Variants in PRKCA observed in about 807,000 individuals in gnomAD.
PRKCA encodes protein kinase C alpha type.
In PRKCA, 27 loss-of-function variants were observed where a neutral mutation model predicts 87.0. The ratio of observed to expected loss-of-function variants is 0.31; its 90% CI spans 0.23 to 0.43. PRKCA has a LOEUF of 0.43. Ranked by LOEUF, PRKCA falls within the 20% of genes least tolerant of loss-of-function variation. The probability of loss-of-function intolerance (pLI) is 1.00; values close to 1 mark genes in which losing one functional copy is unlikely to be tolerated. For missense variants in PRKCA, 518 were observed against 852.3 expected (o/e 0.61, Z 4.88); for synonymous variants, 329 against 311.1 (o/e 1.06, Z -0.61).
chr17:66,716,618 T>C (rs977217482), intron 8 of PRKCA, among the ~76,000 whole-genome samples: 5 of 151,874 alleles, frequency 3.3e-5, no homozygotes, highest in Non-Finnish European at 7.4e-5. Flanking sequence ...CCACCAAGAT[T>C]AGCGATCCTA....
chr17:66,335,245 A>G (rs963517911), intron 2 of PRKCA, among the ~76,000 whole-genome samples: 3 of 152,056 alleles, frequency 2.0e-5, no homozygotes, highest in African/African-American at 7.2e-5. Context: ...CTCCCGTCTC[A>G]GCCTCCGTAA....
chr17:66,499,895 A>G (rs1329696181), intron 3 of PRKCA, among the ~76,000 whole-genome samples: 3 of 152,154 alleles, frequency 2.0e-5, no homozygotes, highest in Non-Finnish European at 4.4e-5. Flanking sequence ...TCCATACTCA[A>G]CTGACTCCCA....
intron 3 of PRKCA, among the ~76,000 whole-genome samples, chr17:66,616,181 A>C (rs1970512994): frequency 6.6e-6 from 1 of 152,180 alleles, no homozygotes; most frequent in South Asian, 2.1e-4. Context: ...CATGAATGCC[A>C]GTTCTAGGAA....
chr17:66,592,935 G>GGTGCCCGCCATCAAGCCCA (rs1969855057), intron 3 of PRKCA, among the ~76,000 whole-genome samples: 1 of 152,126 alleles, frequency 6.6e-6, no homozygotes, highest in Non-Finnish European at 1.5e-5. Flanking sequence ...TGGGATTACA[G>GGTGCCCGCCATCAAGCCCA]GCATGTGCCA....
intron 8 of PRKCA, among the ~76,000 whole-genome samples, chr17:66,711,738 C>T (rs76858681): frequency 0.02 from 3,059 of 152,242 alleles, 49 homozygotes; most frequent in Non-Finnish European, 0.03. Flanking sequence ...ACCCTACTCC[C>T]CGACCCCAAG....
chr17:66,450,269 C>T (rs1176812261), intron 2 of PRKCA, among the ~76,000 whole-genome samples: 2 of 152,082 alleles, frequency 1.3e-5, no homozygotes, highest in African/African-American at 2.4e-5. Flanking sequence ...GATGCCCCAG[C>T]CAGTCTGCAA....
intron 3 of PRKCA, among the ~76,000 whole-genome samples, chr17:66,543,106 T>C (rs999736316): frequency 6.6e-6 from 1 of 152,260 alleles, no homozygotes; most frequent in Non-Finnish European, 1.5e-5. Flanking sequence ...TTTAATGCAA[T>C]GTGCCTGATT....
intron 3 of PRKCA, among the ~76,000 whole-genome samples, chr17:66,562,387 C>A (rs546119737): frequency 6.6e-6 from 1 of 151,770 alleles, no homozygotes; most frequent in African/African-American, 2.4e-5. Context: ...ACTGTGCTGT[C>A]CATTCTTGGT....
chr17:66,342,499 G>C (rs1025767008), intron 2 of PRKCA, among the ~76,000 whole-genome samples: 1 of 149,770 alleles, frequency 6.7e-6, no homozygotes, highest in African/African-American at 2.4e-5. Context: ...CAGAGATGGA[G>C]AAAACTTTGG....
At chr17:66,742,491 C>T in intron 12 of PRKCA, 131 bp from the exon 13 acceptor site, 1 of 938,010 alleles carries the variant, frequency 1.1e-6, no homozygotes, top group Non-Finnish European at 1.6e-6. Context: ...TCTGATACTA[C>T]AGTCCAGGGA....
intron 5 of PRKCA, among the ~76,000 whole-genome samples, chr17:66,666,466 C>CA (rs1361136835): frequency 1.3e-5 from 2 of 152,210 alleles, no homozygotes; most frequent in Admixed American, 6.5e-5. Flanking sequence ...ATACTGGACA[C>CA]AAGCTGGTCC....
intron 2 of PRKCA, among the ~76,000 whole-genome samples, chr17:66,383,298 C>G (rs1021243647): frequency 6.6e-6 from 1 of 152,040 alleles, no homozygotes; most frequent in African/African-American, 2.4e-5. Context: ...AGTTGCTTTC[C>G]AAAGGCATGG....
Position 66,557,617 on chromosome 17 carries a change from C to T in PRKCA, c.288+61334C>T, listed in dbSNP as rs138814984. Among the ~76,000 whole-genome samples the T allele has an allele frequency of 1.9e-3, 294 of 152,208 alleles. 1 individual carries two copies. Among genetic ancestry groups the T allele is most frequent in the African/African-American group, 6.6e-3 (276 of 41,530 alleles). On this transcript the variant is annotated intron_variant, in intron 3 of 16. Coordinates refer to ENST00000413366, the MANE Select transcript of PRKCA (RefSeq NM_002737.3). ...TGATTCATGTTTTATATTGGAGGGA[C>T]GGGTACTTTTCTGAAGAATTTTAAT...
At chr17:66,457,118 A>G (rs1046212774) in intron 2 of PRKCA, among the ~76,000 whole-genome samples, 1 of 152,162 alleles carries the variant, frequency 6.6e-6, no homozygotes, top group Non-Finnish European at 1.5e-5. Flanking sequence ...GCGATTTAAT[A>G]TTTCAATAAG....
Position 66,683,420 on chromosome 17 carries a change from A to G in PRKCA, c.530-3691A>G, listed in dbSNP as rs1972542257. On this transcript the variant is annotated intron_variant, in intron 5 of 16. Coordinates refer to ENST00000413366, the MANE Select transcript of PRKCA (RefSeq NM_002737.3). Reference sequence around the variant, plus strand: ...GGCTTCACCTGAGACTCACCTGGGGAGCTTAAAGATCCTGGTGCCTGGGTG... The same window carrying G: ...GGCTTCACCTGAGACTCACCTGGGGGGCTTAAAGATCCTGGTGCCTGGGTG... 1.3e-5 allele frequency among the ~76,000 whole-genome samples: 2 copies of G among 152,266 alleles called. 1 individual carries two copies. Among genetic ancestry groups the G allele is most frequent in the Admixed American group, 1.3e-4 (2 of 15,296 alleles).
At position 66,302,892 on chromosome 17, in the gene PRKCA, A is replaced by C. The variant is rs1334216181; in HGVS notation, c.41A>C (p.Gln14Pro). 1.2e-6 allele frequency: 2 copies of C among 1,608,692 alleles called. No homozygotes were observed. Among genetic ancestry groups the C allele is most frequent in the Admixed American group, 3.4e-5 (2 of 59,690 alleles). The stretch of plus-strand genomic sequence containing the variant: ...CCGGGCAACGACTCCACGGCGTCTC[A>C]GGACGTGGCCAACCGCTTCGCCCGC... ...VFPGNDSTAS[Q>P]DVANRFARKG... Residue 14 changes from glutamine to proline, a missense_variant, in exon 1 of 17, where the codon CAG (glutamine) becomes CCG (proline). Physicochemically the swap from Gln to Pro is moderately conservative, Grantham distance 76. Coordinates refer to ENST00000413366, the MANE Select transcript of PRKCA (RefSeq NM_002737.3).
intron 3 of PRKCA, among the ~76,000 whole-genome samples, chr17:66,603,858 T>C (rs1970127369): frequency 6.6e-6 from 1 of 152,222 alleles, no homozygotes; most frequent in South Asian, 2.1e-4. Flanking sequence ...GCAGAATCAT[T>C]CAGTATTTGT....
intron 2 of PRKCA, among the ~76,000 whole-genome samples, chr17:66,375,443 G>A (rs546061320): frequency 1.3e-5 from 2 of 152,122 alleles, no homozygotes; most frequent in Non-Finnish European, 2.9e-5. Context: ...TGGTCTGCTT[G>A]GTTGGAAGTG....
At chr17:66,592,437 A>G (rs1969839289) in intron 3 of PRKCA, among the ~76,000 whole-genome samples, 1 of 152,194 alleles carries the variant, frequency 6.6e-6, no homozygotes, top group South Asian at 2.1e-4. Flanking sequence ...AAATAGAAAA[A>G]GAAAGGAAGC....
Sources: allele counts gnomAD v4.1 joint callset (sites outside exome capture counted in the v4.1 genomes callset), GRCh38; gene constraint gnomAD v4.1.1; transcripts MANE v1.5; gene names NCBI Gene and HGNC (gene_info 2026-07-23, HGNC 2026-07-21).